ANO3: variants seen among roughly 807,000 people sequenced by gnomAD.
ANO3 encodes the protein anoctamin 3.
A neutral mutation model predicts 144.8 loss-of-function variants in ANO3; 99 were observed. The ratio of observed to expected loss-of-function variants is 0.68; its 90% confidence interval spans 0.58 to 0.81. The LOEUF is 0.81. Ranked by LOEUF, ANO3 falls within the 30% of genes least tolerant of loss-of-function variation. ANO3 has a pLI of 0.00. For synonymous variants in ANO3, 414 were observed against 392.6 expected (o/e 1.05, Z -0.64); for missense variants, 905 against 1,202.2 (o/e 0.75, Z 3.66).
intron 4 of ANO3, among the ~76,000 whole-genome samples, chr11:26,490,476 G>A (rs1357466094): frequency 6.6e-6 from 1 of 152,174 alleles, no homozygotes; most frequent in Non-Finnish European, 1.5e-5. Context: ...CAGAGTTATA[G>A]CTTTGTGGTA....
intron 1 of ANO3, among the ~76,000 whole-genome samples, chr11:26,282,506 C>T (rs1446085144): frequency 6.6e-6 from 1 of 151,964 alleles, no homozygotes; most frequent in East Asian, 1.9e-4. Flanking sequence ...TTCTTCTCGG[C>T]TTTGGAAAAT....
chr11:26,411,482 T>C (rs567229908), intron 1 of ANO3, among the ~76,000 whole-genome samples: 2 of 152,058 alleles, frequency 1.3e-5, no homozygotes, highest in East Asian at 3.9e-4. Context: ...GTAAACCATA[T>C]AGAAAAGAAG....
At chr11:26,255,006 A>G (rs1853023415) in intron 1 of ANO3, among the ~76,000 whole-genome samples, 1 of 152,124 alleles carries the variant, frequency 6.6e-6, no homozygotes, top group African/African-American at 2.4e-5. Context: ...TTCAAATCAA[A>G]TCCCACATTG....
rs1451226507 is a variant in ANO3 at position 26,531,248 on chromosome 11, A to C, written c.781A>C (p.Asn261His). The C allele has an allele frequency of 6.2e-7, 1 of 1,613,978 alleles. No individual in the cohort carries two copies. Reference sequence around the variant, plus strand: ...AAGAATCAAAAACTGGATGGCCCAAAACCCAATGGTTCTTGACAAGTCAGC... The same window carrying C: ...AAGAATCAAAAACTGGATGGCCCAACACCCAATGGTTCTTGACAAGTCAGC... ...FRRIKNWMAQ[N>H]PMVLDKSAFP... Residue 261 changes from asparagine (N) to histidine (H), a missense_variant, in exon 8 of 27, where the codon AAC becomes CAC. By Grantham distance (68) the Asn-to-His change is moderately conservative. Transcript: ENST00000256737.
chr11:26,268,244 T>C (rs1480476531), intron 1 of ANO3, among the ~76,000 whole-genome samples: 1 of 152,168 alleles, frequency 6.6e-6, no homozygotes, highest in African/African-American at 2.4e-5. Context: ...GTAGATCTTG[T>C]TCGAAAGAAA....
chr11:26,245,404 G>A (rs960102772), intron 1 of ANO3, among the ~76,000 whole-genome samples: 5 of 152,112 alleles, frequency 3.3e-5, no homozygotes, highest in Non-Finnish European at 2.9e-5. Context: ...ATTTTAGCCC[G>A]AATCAATTAT....
At chr11:26,419,640 T>G (rs770041984) in intron 1 of ANO3, among the ~76,000 whole-genome samples, 1 of 152,088 alleles carries the variant, frequency 6.6e-6, no homozygotes, top group Non-Finnish European at 1.5e-5. Context: ...CCTCATGGAA[T>G]GGACTTATAA....
At chr11:26,405,644 GACCTA>G (rs1389446645) in intron 1 of ANO3, among the ~76,000 whole-genome samples, 1 of 151,840 alleles carries the variant, frequency 6.6e-6, no homozygotes, top group African/African-American at 2.4e-5. Context: ...TATAAAACAA[GACCTA>G]ACACTGGCAA....
At chr11:26,501,832 G>A (rs1036058376) in intron 4 of ANO3, among the ~76,000 whole-genome samples, 32 of 152,124 alleles carry the variant, frequency 2.1e-4, no homozygotes, top group African/African-American at 7.7e-4. Flanking sequence ...ACAGAGCAAT[G>A]AGGAAAGAGT....
At position 26,643,343 on chromosome 11, in the gene ANO3, C is replaced by A. The variant is rs372790419; in HGVS notation, c.2428+9C>A. 1.9e-6 allele frequency: 3 copies of A among 1,613,204 alleles called. No individual in the cohort carries two copies. In the African/African-American group the frequency reaches 4.0e-5, roughly 22 times the overall value. Reference sequence around the variant, plus strand: ...CCGAGCAACTGACATAGGTAAGATTCGGAAGTTAAATGATTTTTACGTTGC... The same window carrying A: ...CCGAGCAACTGACATAGGTAAGATTAGGAAGTTAAATGATTTTTACGTTGC... On this transcript the variant is annotated intron_variant, in intron 23 of 26. Transcript: ENST00000256737.
At chr11:26,462,974 A>G (rs750857548) in intron 3 of ANO3, 56 bp from the exon 4 acceptor site, 6 of 895,728 alleles carry the variant, frequency 6.7e-6, no homozygotes, top group Middle Eastern at 2.3e-4. Context: ...AGTATGTTTA[A>G]TGAAAAAAGA....
chr11:26,470,845 T>C (rs1161808917), intron 4 of ANO3, among the ~76,000 whole-genome samples: 2 of 151,978 alleles, frequency 1.3e-5, no homozygotes, highest in African/African-American at 4.8e-5. Context: ...CTTTTTACAA[T>C]CTCATACAGC....
intron 14 of ANO3, chr11:26,565,564 TG>T: frequency 6.2e-7 from 1 of 1,613,262 alleles, no homozygotes; most frequent in Non-Finnish European, 8.5e-7. Context: ...GGTTTTAGAC[TG>T]CCCAAAGAAT....
At chr11:26,318,455 C>T (rs188867166) in intron 1 of ANO3, among the ~76,000 whole-genome samples, 1 of 152,226 alleles carries the variant, frequency 6.6e-6, no homozygotes, top group East Asian at 1.9e-4. Flanking sequence ...CTGTATAGAA[C>T]AATCACCATC....
At chr11:26,217,639 T>A (rs1003677456) in intron 1 of ANO3, among the ~76,000 whole-genome samples, 1 of 152,094 alleles carries the variant, frequency 6.6e-6, no homozygotes, top group Admixed American at 6.6e-5. Context: ...TCAAATTGGT[T>A]AATATTTGTT....
At chr11:26,469,786 A>G (rs1325648311) in intron 4 of ANO3, among the ~76,000 whole-genome samples, 1 of 152,012 alleles carries the variant, frequency 6.6e-6, no homozygotes, top group East Asian at 1.9e-4. Flanking sequence ...TAATTCACAC[A>G]GATATTATAA....
intron 1 of ANO3, among the ~76,000 whole-genome samples, chr11:26,413,003 C>T (rs2133988089): frequency 6.6e-6 from 1 of 151,958 alleles, no homozygotes; most frequent in African/African-American, 2.4e-5. Flanking sequence ...TAGGGGATAA[C>T]TATTGTTCCA....
At chr11:26,589,924 G>A (rs1018893447) in intron 14 of ANO3, among the ~76,000 whole-genome samples, 2 of 152,074 alleles carry the variant, frequency 1.3e-5, no homozygotes, top group Non-Finnish European at 2.9e-5. Flanking sequence ...GGTTTCTACT[G>A]ATCTGATTTT....
intron 1 of ANO3, among the ~76,000 whole-genome samples, chr11:26,341,852 C>T (rs1024220047): frequency 6.6e-6 from 1 of 152,178 alleles, no homozygotes; most frequent in African/African-American, 2.4e-5. Flanking sequence ...TGTTCCAGGA[C>T]AGGAAGCATC....
Sources: gnomAD v4.1 joint callset for allele counts (sites outside exome capture counted in the v4.1 genomes callset) on GRCh38, gnomAD v4.1.1 for gene constraint, MANE v1.5 for transcripts, NCBI Gene and HGNC (gene_info 2026-07-23, HGNC 2026-07-21) for gene names.